CAB39: variants seen among roughly 807,000 people sequenced by gnomAD.
CAB39 encodes the protein calcium binding protein 39, also known as calcium-binding protein 39.
Under a neutral mutation model 40.0 loss-of-function variants are expected in CAB39, and 8 were observed. The observed-to-expected ratio is 0.20, with a 90% confidence interval of 0.12 to 0.36. The LOEUF (loss-of-function observed/expected upper bound fraction) is 0.36, where lower values mean the gene tolerates loss of function less well. Ranked by LOEUF, CAB39 falls within the 10% of genes least tolerant of loss-of-function variation. The pLI is 1.00. For synonymous variants in CAB39, 156 were observed against 141.6 expected (o/e 1.10, Z -0.72); for missense variants, 270 against 401.1 (o/e 0.67, Z 2.79).
At chr2:230,787,793 A>G (rs902723202) in intron 2 of CAB39, among the ~76,000 whole-genome samples, 4 of 152,330 alleles carry the variant, frequency 2.6e-5, no homozygotes, top group South Asian at 4.1e-4. Context: ...TTTCTGGAGA[A>G]GATGACAATT....
At chr2:230,804,604 T>C (rs985125153) in intron 5 of CAB39, among the ~76,000 whole-genome samples, 1 of 152,178 alleles carries the variant, frequency 6.6e-6, no homozygotes, top group Non-Finnish European at 1.5e-5. Context: ...ACAGACACTT[T>C]TCAAAAGAAG....
At chr2:230,742,681 A>G (rs1033965026) in intron 1 of CAB39, among the ~76,000 whole-genome samples, 2 of 152,210 alleles carry the variant, frequency 1.3e-5, no homozygotes, top group Non-Finnish European at 2.9e-5. Flanking sequence ...GAGATGTACA[A>G]TTTCAGTAAG....
rs181969255 is a variant in CAB39, at chr2:230,819,966, G to A, written c.*1262G>A. On this transcript the variant is annotated 3_prime_UTR_variant, in exon 9 of 9. Transcript: ENST00000258418. The stretch of plus-strand genomic sequence containing the variant: ...ACTTTGGCTTCTCTTAGGAAAAGAC[G>A]ACTTCCTAGTCATAGGTGTCCTATG... The A allele has an allele frequency of 9.8e-5, 15 of 152,694 alleles. No individual in the cohort carries two copies. Among genetic ancestry groups the A allele is most frequent in the East Asian group, 5.8e-4 (3 of 5,192 alleles). The allele number at this position is 152,694 out of a possible 1,614,324, so 9.5% of individuals were successfully genotyped here. A position where few individuals can be genotyped will look rare whatever the true frequency, so the allele number is the denominator to read the frequency against.
At position 230,757,481 on chromosome 2, in the gene CAB39, A is replaced by G. The variant is rs186404283; in HGVS notation, c.-43-2478A>G. On this transcript the variant is annotated intron_variant, in intron 1 of 8. Transcript: ENST00000258418. ...GGTATATTAATTAACAGAAATGATTATGTCATGCCTCCCCTTGCCCACACA... is the reference window on the plus strand; with the variant it reads ...GGTATATTAATTAACAGAAATGATTGTGTCATGCCTCCCCTTGCCCACACA... Among the ~76,000 whole-genome samples, 3 of 152,304 alleles carry G rather than the reference A, an allele frequency of 2.0e-5. No homozygotes were observed. The East Asian group carries it at 5.8e-4, about 29-fold the overall frequency.
At chr2:230,740,597 CTG>C (rs1003700537) in intron 1 of CAB39, among the ~76,000 whole-genome samples, 1 of 152,222 alleles carries the variant, frequency 6.6e-6, no homozygotes, top group East Asian at 1.9e-4. Flanking sequence ...CAGGATGAAA[CTG>C]TGCCACCTCA....
At chr2:230,737,852 TATG>T (rs1694813596) in intron 1 of CAB39, among the ~76,000 whole-genome samples, 1 of 152,216 alleles carries the variant, frequency 6.6e-6, no homozygotes, top group African/African-American at 2.4e-5. Flanking sequence ...TTGACTATAT[TATG>T]ATGTCAACAC....
At chr2:230,798,680 G>C in intron 4 of CAB39, 49 bp from the exon 5 acceptor site, 1 of 1,522,566 alleles carries the variant, frequency 6.6e-7, no homozygotes, top group Non-Finnish European at 8.9e-7. Flanking sequence ...TTGGAGTTTT[G>C]AAAAAGCAAT....
intron 1 of CAB39, chr2:230,713,926 G>A (rs767934899): frequency 3.3e-5 from 5 of 152,356 alleles, no homozygotes; most frequent in Admixed American, 2.6e-4. Context: ...ACGACGGAGT[G>A]CTAGAACGGC....
chr2:230,773,314 A>ATGTGTGTGTGTGTG (rs71052549), intron 2 of CAB39, among the ~76,000 whole-genome samples: 4,395 of 132,586 alleles, frequency 0.033, 89 homozygotes, highest in Middle Eastern at 0.046. Context: ...ATATATATAT[A>ATGTGTGTGTGTGTG]TGTGTGTGTG....
chr2:230,730,039 A>G (rs1363320305), intron 1 of CAB39, among the ~76,000 whole-genome samples: 3 of 152,236 alleles, frequency 2.0e-5, no homozygotes, highest in African/African-American at 7.2e-5. Context: ...GGAACACAGT[A>G]AAAGATACAT....
At position 230,760,028 on chromosome 2, in the gene CAB39, C is replaced by G; in HGVS notation, c.27C>G (p.His9Gln). ...TGCCGTTCCCGTTTGGGAAGTCTCA[C>G]AAATCTCCAGCAGACATTGTGAAGA... is the stretch of plus-strand genomic sequence containing the variant. The part of the protein sequence containing the change: MPFPFGKS[H>Q]KSPADIVKNL... The change falls in exon 2 of 9, where the codon CAC (histidine) becomes CAG (glutamine). Residue 9 changes from histidine to glutamine, a missense_variant. His to Gln is a conservative substitution (Grantham distance 24, BLOSUM62 0). Coordinates refer to ENST00000258418, the MANE Select transcript of CAB39 (RefSeq NM_016289.4). 6.2e-7 allele frequency: 1 copy of G among 1,613,290 alleles called. No individual in the cohort carries two copies. The highest frequency in any genetic ancestry group is 8.5e-7 in the Non-Finnish European group (1 of 1,179,332).
At chr2:230,730,051 T>C (rs1694659598) in intron 1 of CAB39, among the ~76,000 whole-genome samples, 2 of 152,194 alleles carry the variant, frequency 1.3e-5, no homozygotes, top group South Asian at 2.1e-4. Context: ...AAGATACATA[T>C]GAGCCTGCTA....
At chr2:230,752,043 C>CCCA (rs1419195266) in intron 1 of CAB39, 3 of 93,086 alleles carry the variant, frequency 3.2e-5, no homozygotes, top group Non-Finnish European at 6.8e-5. Context: ...CCCCCCCCCC[C>CCCA]ACATACACAC....
intron 6 of CAB39, 93 bp downstream of exon 6, chr2:230,810,415 TATTTTG>T: frequency 1.9e-6 from 1 of 514,442 alleles, no homozygotes; most frequent in Admixed American, 3.9e-5. Flanking sequence ...CTAGAATATT[TATTTTG>T]CATATGTAAT....
intron 8 of CAB39, 119 bp downstream of exon 8, chr2:230,818,016 T>C: frequency 1.1e-6 from 1 of 883,582 alleles, no homozygotes; most frequent in East Asian, 2.6e-5. Context: ...TTAAATTCAG[T>C]CACTTTTCAT....
At chr2:230,814,144 T>A in intron 7 of CAB39, 30 bp downstream of exon 7, 1 of 1,070,892 alleles carries the variant, frequency 9.3e-7, no homozygotes, top group Non-Finnish European at 1.4e-6. Flanking sequence ...ATAGCTTATT[T>A]CTCTGTACCT....
chr2:230,739,638 G>A (rs759059584), intron 1 of CAB39, among the ~76,000 whole-genome samples: 1 of 152,196 alleles, frequency 6.6e-6, no homozygotes, highest in Admixed American at 6.5e-5. Context: ...AGGATTACAG[G>A]CATGCGCCAC....
chr2:230,814,879 A>G (rs1178408795), intron 7 of CAB39, among the ~76,000 whole-genome samples: 3 of 152,208 alleles, frequency 2.0e-5, no homozygotes, highest in Non-Finnish European at 4.4e-5. Context: ...CCAACAGGAG[A>G]TATAGATGAA....
intron 1 of CAB39, among the ~76,000 whole-genome samples, chr2:230,719,730 T>G (rs1175383953): frequency 2.6e-5 from 4 of 152,192 alleles, no homozygotes; most frequent in Non-Finnish European, 4.4e-5. Context: ...CTCTCTGGGC[T>G]TCAGTCATCC....
Sources: allele counts gnomAD v4.1 joint callset (sites outside exome capture counted in the v4.1 genomes callset), GRCh38; gene constraint gnomAD v4.1.1; transcripts MANE v1.5; gene names NCBI Gene and HGNC (gene_info 2026-07-23, HGNC 2026-07-21).